The following GPD2 variants were observed in gnomAD, a reference collection of about 807,000 sequenced individuals.
The protein encoded by GPD2 is glycerol-3-phosphate dehydrogenase 2, also known as glycerol-3-phosphate dehydrogenase, mitochondrial.
GPD2 carries 54 observed loss-of-function variants against 82.4 expected under a neutral mutation model. The ratio of observed to expected loss-of-function variants is 0.66; its 90% CI spans 0.53 to 0.82. GPD2 has a LOEUF of 0.82. Among genes scored for constraint, GPD2 ranks in the 40% least tolerant of loss-of-function variants. The probability of loss-of-function intolerance (pLI) is 0.00; values close to 1 mark genes in which losing one functional copy is unlikely to be tolerated. For missense variants in GPD2, 748 were observed against 896.2 expected (o/e 0.83, Z 2.11); for synonymous variants, 288 against 306.1 (o/e 0.94, Z 0.62).
At chr2:156,427,078 A>G in the GPD2 span, among the ~76,000 whole-genome samples, 1 of 152,194 alleles carries the variant, frequency 6.6e-6, no homozygotes, top group Non-Finnish European at 1.5e-5. Context: ...CATCAGAGTT[A>G]TTTTCCAATT....
At chr2:156,459,702 AAAAAAAAG>A (rs1285596298) in intron 1 of GPD2, among the ~76,000 whole-genome samples, 34 of 149,670 alleles carry the variant, frequency 2.3e-4, no homozygotes, top group African/African-American at 8.3e-4. Context: ...AAAAAAAAAA[AAAAAAAAG>A]AAAGAAAAAG....
chr2:156,475,864 T>C (rs1683492343), intron 1 of GPD2, among the ~76,000 whole-genome samples: 1 of 152,276 alleles, frequency 6.6e-6, no homozygotes, highest in Non-Finnish European at 1.5e-5. Context: ...TTTCTTTCTT[T>C]AATTCCTGTC....
At chr2:156,562,589 CA>C (rs988205382) in intron 9 of GPD2, among the ~76,000 whole-genome samples, 1 of 138,410 alleles carries the variant, frequency 7.2e-6, no homozygotes, top group Non-Finnish European at 1.6e-5. Flanking sequence ...AAAAAACCCC[CA>C]AAACATATGC....
chr2:156,538,308 T>G (rs1327392844), intron 6 of GPD2, among the ~76,000 whole-genome samples: 1 of 152,170 alleles, frequency 6.6e-6, no homozygotes, highest in African/African-American at 2.4e-5. Context: ...ATTTATTACT[T>G]TAGGCAACAA....
chr2:156,515,059 A>G (rs1191468824), intron 6 of GPD2, among the ~76,000 whole-genome samples: 1 of 152,052 alleles, frequency 6.6e-6, no homozygotes, highest in Non-Finnish European at 1.5e-5. Context: ...ATACTTTGTG[A>G]TCTATTAGGC....
chr2:156,459,805 G>A (rs1191104119), intron 1 of GPD2, among the ~76,000 whole-genome samples: 1 of 151,822 alleles, frequency 6.6e-6, no homozygotes, highest in Non-Finnish European at 1.5e-5. Flanking sequence ...TGAGACTATC[G>A]TAGGGTAGAC....
In GPD2 at chr2:156,515,048, T is replaced by C. The variant is rs962716785; in HGVS notation, c.661+1552T>C. Reference sequence around the variant, plus strand: ...CCCTCTCACATACTTACTCATTTTCTATACTTTGTGATCTATTAGGCACTA... The same window carrying C: ...CCCTCTCACATACTTACTCATTTTCCATACTTTGTGATCTATTAGGCACTA... On this transcript the variant is annotated intron_variant, in intron 6 of 16. Transcript: ENST00000438166. 4.6e-5 allele frequency among the ~76,000 whole-genome samples: 7 copies of C among 152,226 alleles called. No individual in the cohort carries two copies. In the South Asian group the frequency reaches 1.4e-3, roughly 32 times the overall value.
chr2:156,534,259 G>A (rs919662967), intron 6 of GPD2, among the ~76,000 whole-genome samples: 4 of 152,184 alleles, frequency 2.6e-5, no homozygotes, highest in African/African-American at 9.7e-5. Flanking sequence ...CTCCTCTGCT[G>A]TGCCACTCTT....
In GPD2 at chr2:156,497,925, A is replaced by G. The variant is rs981064229; in HGVS notation, c.274+1710A>G. Among the ~76,000 whole-genome samples, 6 of 152,190 alleles carry G rather than the reference A, an allele frequency of 3.9e-5. No homozygotes were observed. In the South Asian group the frequency reaches 6.2e-4, roughly 16 times the overall value. ...TTGAGAATAGTTTTTGAGAATAGAT[A>G]ATTTGAATTCAGCTTTTTTCCCCTT... On this transcript the variant is annotated intron_variant, in intron 3 of 16. Transcript: ENST00000438166.
At chr2:156,518,414 A>T (rs772983906) in intron 6 of GPD2, among the ~76,000 whole-genome samples, 1 of 152,248 alleles carries the variant, frequency 6.6e-6, no homozygotes, top group Non-Finnish European at 1.5e-5. Flanking sequence ...AGGCTGACTT[A>T]TACAATTAAA....
intron 1 of GPD2, among the ~76,000 whole-genome samples, chr2:156,472,819 G>A (rs1683379277): frequency 6.6e-6 from 1 of 152,172 alleles, no homozygotes; most frequent in African/African-American, 2.4e-5. Flanking sequence ...GAGACCAAAG[G>A]CAGGACAGAA....
At chr2:156,456,024 T>C (rs1462126506) in intron 1 of GPD2, among the ~76,000 whole-genome samples, 2 of 152,242 alleles carry the variant, frequency 1.3e-5, no homozygotes, top group African/African-American at 2.4e-5. Flanking sequence ...CTGATGTCCA[T>C]GTAGTTATTT....
At chr2:156,472,168 G>A (rs1683352132) in intron 1 of GPD2, among the ~76,000 whole-genome samples, 1 of 151,962 alleles carries the variant, frequency 6.6e-6, no homozygotes, top group South Asian at 2.1e-4. Context: ...TTCTAGTAAA[G>A]CTGTTACTTA....
At chr2:156,530,713 G>A (rs900545811) in intron 6 of GPD2, among the ~76,000 whole-genome samples, 40 of 152,068 alleles carry the variant, frequency 2.6e-4, no homozygotes, top group African/African-American at 9.4e-4. Flanking sequence ...CTTTAGTTCT[G>A]TTTATATGCT....
the GPD2 span, among the ~76,000 whole-genome samples, chr2:156,405,280 C>T: frequency 1.3e-5 from 2 of 152,082 alleles, no homozygotes; most frequent in African/African-American, 2.4e-5. Flanking sequence ...GTAAAGCGCT[C>T]ATTTTTGGAA....
At chr2:156,405,228 A>G in the GPD2 span, among the ~76,000 whole-genome samples, 1 of 152,190 alleles carries the variant, frequency 6.6e-6, no homozygotes, top group Non-Finnish European at 1.5e-5. Context: ...GGTGTAGTGT[A>G]GAAAAGTAAG....
At chr2:156,514,334 G>A (rs1221381321) in intron 6 of GPD2, among the ~76,000 whole-genome samples, 1 of 151,974 alleles carries the variant, frequency 6.6e-6, no homozygotes, top group Non-Finnish European at 1.5e-5. Context: ...GCTGAACACA[G>A]ATAATTATAC....
At chr2:156,550,004 A>C (rs769127065) in intron 7 of GPD2, among the ~76,000 whole-genome samples, 1 of 152,214 alleles carries the variant, frequency 6.6e-6, no homozygotes, top group Non-Finnish European at 1.5e-5. Flanking sequence ...GATAATAATA[A>C]AATGCCCACC....
In GPD2 at chr2:156,579,801, GA is replaced by G; in HGVS notation, c.2058+16del. The G allele has an allele frequency of 8.2e-7, 1 of 1,215,374 alleles. No individual in the cohort carries two copies. Among genetic ancestry groups the G allele is most frequent in the South Asian group, 1.2e-5 (1 of 83,020 alleles). The allele number at this position is 1,215,374 out of a possible 1,614,324, so 75.3% of individuals were successfully genotyped here. Reference sequence around the variant, plus strand: ...TGAATTTTTGCAGGTGAGTTGTGGTGAAAGGAAACAAGGATATTTGCTTTTA... The same window carrying G: ...TGAATTTTTGCAGGTGAGTTGTGGTGAAGGAAACAAGGATATTTGCTTTTA... On this transcript the variant is annotated intron_variant, in intron 16 of 16. Transcript: ENST00000438166.
Sources: allele counts gnomAD v4.1 joint callset (sites outside exome capture counted in the v4.1 genomes callset), GRCh38; gene constraint gnomAD v4.1.1; transcripts MANE v1.5; gene names NCBI Gene and HGNC (gene_info 2026-07-23, HGNC 2026-07-21).